The following FCRL6 variants were observed in gnomAD, a reference collection of about 807,000 sequenced individuals.
FCRL6 encodes the protein Fc receptor-like protein 6.
Under a neutral mutation model 49.1 loss-of-function variants are expected in FCRL6, and 50 were observed. That is an observed-to-expected ratio of 1.02 (90% CI 0.81 to 1.29). The LOEUF (loss-of-function observed/expected upper bound fraction) is 1.29, where lower values mean the gene tolerates loss of function less well. Among genes scored for constraint, FCRL6 ranks in the 50% most tolerant of loss-of-function variants. The probability of loss-of-function intolerance (pLI) is 0.00; values close to 1 mark genes in which losing one functional copy is unlikely to be tolerated. For missense variants in FCRL6, 571 were observed against 518.5 expected, an observed-to-expected ratio of 1.10 and a Z score of -0.98; for synonymous variants, 213 against 199.6, an observed-to-expected ratio of 1.07 and a Z score of -0.57.
Position 159,815,641 on chromosome 1 carries a change from T to G in FCRL6, c.1285T>G (p.Cys429Gly). The change falls in exon 10 of 10, where the codon TGT (cysteine) becomes GGT (glycine). Residue 429 changes from cysteine to glycine, a missense_variant. Cys to Gly is a radical substitution (Grantham distance 159). Coordinates refer to ENST00000368106, the MANE Select transcript of FCRL6 (RefSeq NM_001004310.3). ...GACTCTCCAAGAACCCCTTAGCGAC[T>G]GTGAGGAGGTTCTCTGCTAGTGATG... is the stretch of plus-strand genomic sequence containing the variant. ...SRTLQEPLSD[C>G]EEVLC is the part of the protein sequence containing the mutation. 1 of 1,614,172 alleles carries G rather than the reference T, an allele frequency of 6.2e-7. No individual in the cohort carries two copies. The highest frequency in any genetic ancestry group is 1.1e-5 in the South Asian group (1 of 91,080).
intron 1 of FCRL6, among the ~76,000 whole-genome samples, chr1:159,805,684 C>G (rs763048020): frequency 6.6e-6 from 1 of 152,262 alleles, no homozygotes; most frequent in Non-Finnish European, 1.5e-5. Context: ...AAGATGCAAG[C>G]ATGATGTGGG....
chr1:159,803,585 G>A (rs1430036878), intron 1 of FCRL6, among the ~76,000 whole-genome samples: 1 of 152,128 alleles, frequency 6.6e-6, no homozygotes, highest in Non-Finnish European at 1.5e-5. Flanking sequence ...CTAATGCCTG[G>A]ATATACTCCA....
chr1:159,803,808 T>C (rs1249190694), intron 1 of FCRL6, among the ~76,000 whole-genome samples: 1 of 152,170 alleles, frequency 6.6e-6, no homozygotes, highest in African/African-American at 2.4e-5. Context: ...TGGTCCCACT[T>C]GATGCTCAGG....
chr1:159,800,607 T>A (rs776070801), upstream of FCRL6: 3 of 1,550,236 alleles, frequency 1.9e-6, no homozygotes, highest in South Asian at 2.4e-5. Flanking sequence ...AATGTTGCCA[T>A]CTTTAGGTGA....
chr1:159,811,621 C>A (rs1477637562), intron 6 of FCRL6, among the ~76,000 whole-genome samples: 1 of 152,222 alleles, frequency 6.6e-6, no homozygotes, highest in Non-Finnish European at 1.5e-5. Flanking sequence ...CAGACTTCAA[C>A]TTCCTCTCCC....
chr1:159,802,465 C>T lies in FCRL6; in HGVS notation c.31+10C>T, dbSNP rs780302525. 1.1e-5 allele frequency: 18 copies of T among 1,611,248 alleles called. No homozygotes were observed. Among genetic ancestry groups the T allele is most frequent in the Middle Eastern group, 3.3e-4 (2 of 6,084 alleles). ...GCTGTGCTGCTCTTTGGTAAGTCAA[C>T]GAGCATGGGCATCCCCTCTTGGAGC... On this transcript the variant is annotated intron_variant, in intron 1 of 9. Coordinates refer to ENST00000368106, the MANE Select transcript of FCRL6 (RefSeq NM_001004310.3).
At chr1:159,801,397 A>T (rs1662325806), upstream of FCRL6, among the ~76,000 whole-genome samples, 1 of 152,184 alleles carries the variant, frequency 6.6e-6, no homozygotes, top group South Asian at 2.1e-4. Context: ...TAGTTTCTTC[A>T]CATCCTCACC....
rs1663382937 is a variant in FCRL6, at chr1:159,816,005, A to G, written c.*344A>G. On this transcript the variant is annotated 3_prime_UTR_variant, in exon 10 of 10. Coordinates refer to ENST00000368106, the MANE Select transcript of FCRL6 (RefSeq NM_001004310.3). ...AAATAGTCATGTGCCGCATAACAAC[A>G]TTTCAGTCAGTGATAGACTGCATAC... is the stretch of plus-strand genomic sequence containing the variant. 1 of 263,332 alleles carries G rather than the reference A, an allele frequency of 3.8e-6. No individual in the cohort carries two copies. The highest frequency in any genetic ancestry group is 4.4e-5 in the Admixed American group (1 of 22,602). The allele number at this position is 263,332 out of a possible 1,614,324, so 16.3% of individuals were successfully genotyped here.
chr1:159,806,032 GT>G (rs1662653260), intron 1 of FCRL6, among the ~76,000 whole-genome samples: 1 of 152,214 alleles, frequency 6.6e-6, no homozygotes, highest in African/African-American at 2.4e-5. Flanking sequence ...CACAGACTAT[GT>G]TCCAGGCACA....
chr1:159,809,570 C>T lies in FCRL6; in HGVS notation c.773C>T (p.Thr258Ile). The change falls in exon 5 of 10, where the codon ACC becomes ATC. Residue 258 changes from threonine to isoleucine, a missense_variant. Transcript: ENST00000368106. ...AACCACTCAGCTCCCTGTGGTGGAACCACCTCCCTCCTCTTCCCAGTGAAG... is the reference window on the plus strand; with the variant it reads ...AACCACTCAGCTCCCTGTGGTGGAATCACCTCCCTCCTCTTCCCAGTGAAG... ...VGNHSAPCGGTTSLLFPVKSE... is the reference protein window; with the variant it reads ...VGNHSAPCGGITSLLFPVKSE... 6.2e-7 allele frequency: 1 copy of T among 1,614,200 alleles called. No individual in the cohort carries two copies. Among genetic ancestry groups the T allele is most frequent in the Non-Finnish European group, 8.5e-7 (1 of 1,180,022 alleles).
chr1:159,815,582 A>G lies in FCRL6; in HGVS notation c.1226A>G (p.Glu409Gly). 6.2e-7 allele frequency: 1 copy of G among 1,614,164 alleles called. No homozygotes were observed. The highest frequency in any genetic ancestry group is 8.5e-7 in the Non-Finnish European group (1 of 1,180,010). Residue 409 changes from glutamate (E) to glycine (G), a missense_variant, in exon 10 of 10, where the codon GAG becomes GGG. Physicochemically the swap from Glu to Gly is moderately conservative, Grantham distance 98. Transcript: ENST00000368106. ...GAGGTGAGATGCCTGCAGCCCAGTG[A>G]GGTTTCATCCACGGAGGTGAATATG... ...CAEVRCLQPS[E>G]VSSTEVNMRS...
chr1:159,802,590 C>G (rs1020998430), intron 1 of FCRL6, 135 bp downstream of exon 1: 5 of 773,736 alleles, frequency 6.5e-6, no homozygotes, highest in Admixed American at 4.2e-5. Context: ...GTGTGTGCAC[C>G]TGGGCATGCT....
Position 159,814,251 on chromosome 1 carries a change from T to G in FCRL6, c.1106T>G (p.Val369Gly), listed in dbSNP as rs779617143. 9.9e-6 allele frequency: 16 copies of G among 1,614,182 alleles called. No homozygotes were observed. The African/African-American group carries it at 1.7e-4, about 17-fold the overall frequency. Residue 369 changes from valine to glycine, a missense_variant, in exon 8 of 10, where the codon GTT becomes GGT. Transcript: ENST00000368106. ...CACCAGAAAGGGAAAGATGAAGGTG[T>G]TGTCTACTCTGTGGTGCATAGAACC... ...VHHQKGKDEG[V>G]VYSVVHRTSK...
At chr1:159,801,351 C>A (rs1194485265), upstream of FCRL6, among the ~76,000 whole-genome samples, 1 of 152,150 alleles carries the variant, frequency 6.6e-6, no homozygotes, top group Non-Finnish European at 1.5e-5. Context: ...AGTGACTGTA[C>A]CAATTTATAT....
Position 159,809,120 on chromosome 1 carries a change from G to A in FCRL6, c.479G>A (p.Gly160Asp), listed in dbSNP as rs72700615. The A allele has an allele frequency of 0.12, 188,861 of 1,614,016 alleles. 12,086 individuals carry two copies. The highest frequency in any genetic ancestry group is 0.13 in the Non-Finnish European group (156,518 of 1,179,938). Residue 160 changes from glycine to aspartate, a missense_variant, in exon 4 of 10, where the codon GGC (glycine) becomes GAC (aspartate). Transcript: ENST00000368106. ...GACGGCCACACCTTGCAGGACAGGG[G>A]CCCTCACCCAGAACTCTGCATCCCG... ...HKDGHTLQDR[G>D]PHPELCIPGA...
At chr1:159,815,343 A>G in intron 8 of FCRL6, 85 bp from the exon 9 acceptor site, 1 of 1,464,964 alleles carries the variant, frequency 6.8e-7, no homozygotes, top group Non-Finnish European at 9.3e-7. Context: ...TTTCTAGAGG[A>G]AGATAGCCAG....
At chr1:159,805,737 C>A (rs1035378803) in intron 1 of FCRL6, among the ~76,000 whole-genome samples, 1 of 152,206 alleles carries the variant, frequency 6.6e-6, no homozygotes, top group Non-Finnish European at 1.5e-5. Context: ...ATCCATGCTG[C>A]CTGATAATGT....
chr1:159,809,215 C>T lies in FCRL6; in HGVS notation c.574C>T (p.Gln192Ter), dbSNP rs767900037. ...CCCTGAGGGTGGCCAGGTCCAGAAG[C>T]AGAGCCCCCAGCTGGAGGTCAGAGT... ...VAPEGGQVQKQSPQLEVRVQA... is the reference protein window; with the variant it reads ...VAPEGGQVQK Residue 192 changes from glutamine (Q) to a stop codon, truncating the protein, a stop_gained, in exon 4 of 10, where the codon CAG (glutamine) becomes TAG (stop). Transcript: ENST00000368106. LOFTEE classifies it high-confidence loss of function. 3.8e-6 allele frequency: 6 copies of T among 1,580,152 alleles called. No homozygotes were observed. The highest frequency in any genetic ancestry group is 5.2e-6 in the Non-Finnish European group (6 of 1,164,818).
upstream of FCRL6, among the ~76,000 whole-genome samples, chr1:159,801,825 G>A (rs1190382290): frequency 1.3e-5 from 2 of 152,082 alleles, no homozygotes; most frequent in African/African-American, 4.8e-5. Context: ...CTCAGATGCC[G>A]AAGCTCCATC....
Sources: allele counts gnomAD v4.1 joint callset (sites outside exome capture counted in the v4.1 genomes callset), GRCh38; gene constraint gnomAD v4.1.1; transcripts MANE v1.5; gene names NCBI Gene and HGNC (gene_info 2026-07-23, HGNC 2026-07-21).